The following MYBPHL variants were observed in gnomAD, a reference collection of about 807,000 sequenced individuals.
The protein encoded by MYBPHL is myosin binding protein H like, also known as myosin-binding protein H-like.
Under a neutral mutation model 39.5 loss-of-function variants are expected in MYBPHL, and 32 were observed. The ratio of observed to expected loss-of-function variants is 0.81; its 90% CI spans 0.61 to 1.09. MYBPHL has a LOEUF of 1.09. MYBPHL is among the 50% of genes least tolerant of loss of function. The pLI is 0.00. For missense variants in MYBPHL, 456 were observed against 460.2 expected (o/e 0.99, Z 0.08); for synonymous variants, 196 against 183.7 (o/e 1.07, Z -0.54).
Position 109,297,052 on chromosome 1 carries a change from C to G in MYBPHL, c.568G>C (p.Gly190Arg), listed in dbSNP as rs372747640. ...YTVQKADTKS[G>R]LWFTVLEHYH... ...CCTTCCTTCCCAGCTGGCCTCACCC[C>G]GGATTTTGTGTCAGCCTTCTGCACC... Residue 190 changes from glycine to arginine, a missense_variant and splice_region_variant, in exon 4 of 9, where the codon GGG becomes CGG. Coordinates refer to ENST00000357155, the MANE Select transcript of MYBPHL (RefSeq NM_001010985.3). The G allele has an allele frequency of 7.4e-6, 12 of 1,614,028 alleles. No homozygotes were observed. In the Middle Eastern group the frequency reaches 6.6e-4, roughly 88 times the overall value.
intron 2 of MYBPHL, 91 bp from the exon 3 acceptor site, chr1:109,297,708 G>A (rs749573868): frequency 6.6e-6 from 8 of 1,216,516 alleles, no homozygotes; most frequent in Non-Finnish European, 9.1e-6. Flanking sequence ...CAGGTCCACA[G>A]GGAGGCTTGA....
At chr1:109,299,027 G>T (rs1570852413) in intron 1 of MYBPHL, among the ~76,000 whole-genome samples, 1 of 152,146 alleles carries the variant, frequency 6.6e-6, no homozygotes, top group East Asian at 1.9e-4. Flanking sequence ...GCTGAGTGTA[G>T]GTTTGGAGAT....
At chr1:109,299,945 G>T (rs1658225076) in intron 1 of MYBPHL, among the ~76,000 whole-genome samples, 1 of 152,248 alleles carries the variant, frequency 6.6e-6, no homozygotes, top group Admixed American at 6.5e-5. Flanking sequence ...TTGAAGACGG[G>T]CGGATATGAC....
chr1:109,295,365 C>A, intron 6 of MYBPHL, 68 bp from the exon 7 acceptor site: 1 of 1,432,616 alleles, frequency 7.0e-7, no homozygotes, highest in Non-Finnish European at 9.5e-7. Flanking sequence ...TTTCTGTGCT[C>A]AGTTTCTGGG....
At chr1:109,299,036 A>G (rs185202610) in intron 1 of MYBPHL, among the ~76,000 whole-genome samples, 95 of 152,148 alleles carry the variant, frequency 6.2e-4, no homozygotes, top group Non-Finnish European at 4.1e-4. Context: ...AGGTTTGGAG[A>G]TTGACCAGGT....
chr1:109,303,566 C>T (rs893629301), intron 1 of MYBPHL, among the ~76,000 whole-genome samples: 1 of 152,208 alleles, frequency 6.6e-6, no homozygotes, highest in African/African-American at 2.4e-5. Context: ...TTCCCAAGTT[C>T]ACTCGGTCTC....
At chr1:109,302,105 G>C (rs1010475953) in intron 1 of MYBPHL, among the ~76,000 whole-genome samples, 1 of 151,874 alleles carries the variant, frequency 6.6e-6, no homozygotes, top group Non-Finnish European at 1.5e-5. Flanking sequence ...ATGAATGTGT[G>C]TATGGGTGTG....
intron 1 of MYBPHL, among the ~76,000 whole-genome samples, chr1:109,299,040 A>T (rs585545): frequency 0.66 from 100,282 of 151,458 alleles, 34,933 homozygotes; most frequent in East Asian, 0.96. Context: ...TTGGAGATTG[A>T]CCAGGTATCA....
chr1:109,303,929 G>A (rs1054405860), intron 1 of MYBPHL, among the ~76,000 whole-genome samples: 3 of 151,548 alleles, frequency 2.0e-5, no homozygotes, highest in African/African-American at 7.3e-5. Context: ...TGTTCTCTCT[G>A]TGTGGAAAAT....
At chr1:109,295,319 G>A in intron 6 of MYBPHL, 22 bp from the exon 7 acceptor site, 1 of 1,609,918 alleles carries the variant, frequency 6.2e-7, no homozygotes, top group Non-Finnish European at 8.5e-7. Flanking sequence ...AGATGAGGGA[G>A]GCAGCAAGGA....
At chr1:109,297,839 A>C (rs867244225) in intron 2 of MYBPHL, among the ~76,000 whole-genome samples, 1 of 152,112 alleles carries the variant, frequency 6.6e-6, no homozygotes, top group East Asian at 1.9e-4. Flanking sequence ...AATCTCTGAG[A>C]GCTTAGGTCA....
chr1:109,296,361 T>C lies in MYBPHL; in HGVS notation c.740A>G (p.Tyr247Cys). 6.2e-7 allele frequency: 1 copy of C among 1,613,916 alleles called. No homozygotes were observed. Among genetic ancestry groups the C allele is most frequent in the Non-Finnish European group, 8.5e-7 (1 of 1,180,008 alleles). The part of the protein sequence containing the change: ...LAHIQKAATV[Y>C]KTKGFAQRDF... ...TCGTTGGGCAAACCCCTTGGTCTTG[T>C]AAACAGTAGCTGAGGGCACCAAGAG... Residue 247 changes from tyrosine (Y) to cysteine (C), a missense_variant, in exon 6 of 9, where the codon TAC (tyrosine) becomes TGC (cysteine). Coordinates refer to ENST00000357155, the MANE Select transcript of MYBPHL (RefSeq NM_001010985.3).
chr1:109,305,452 GC>G (rs371402659), intron 1 of MYBPHL, among the ~76,000 whole-genome samples: 3 of 152,196 alleles, frequency 2.0e-5, no homozygotes, highest in African/African-American at 4.8e-5. Flanking sequence ...GCATTTGCGG[GC>G]CCGTGACTGG....
chr1:109,301,505 C>T (rs1658277395), intron 1 of MYBPHL, among the ~76,000 whole-genome samples: 1 of 152,132 alleles, frequency 6.6e-6, no homozygotes, highest in Non-Finnish European at 1.5e-5. Flanking sequence ...CTTTGGGAGG[C>T]TAAGGAGGGT....
At position 109,295,360 on chromosome 1, in the gene MYBPHL, G is replaced by C. The variant is rs1658025227; in HGVS notation, c.868-63C>G. 3.4e-6 allele frequency: 5 copies of C among 1,472,516 alleles called. No homozygotes were observed. The Admixed American group carries it at 9.7e-5, about 29-fold the overall frequency. The allele number at this position is 1,472,516 out of a possible 1,614,324, so 91.2% of individuals were successfully genotyped here. A position where few individuals can be genotyped will look rare whatever the true frequency, so the allele number is the denominator to read the frequency against. On this transcript the variant is annotated intron_variant, in intron 6 of 8. Coordinates refer to ENST00000357155, the MANE Select transcript of MYBPHL (RefSeq NM_001010985.3). ...GAGGGTAAGAACCAATAGTCTTTCT[G>C]TGCTCAGTTTCTGGGACTCTGTCTA...
intron 6 of MYBPHL, among the ~76,000 whole-genome samples, 154 bp downstream of exon 6, chr1:109,296,080 C>G (rs557302894): frequency 1.3e-5 from 2 of 152,110 alleles, no homozygotes; most frequent in Non-Finnish European, 2.9e-5. Flanking sequence ...CTCCAAGCAC[C>G]CCCCCGACTG....
intron 2 of MYBPHL, 80 bp from the exon 3 acceptor site, chr1:109,297,697 C>T: frequency 7.6e-7 from 1 of 1,321,410 alleles, no homozygotes; most frequent in Non-Finnish European, 1.0e-6. Context: ...CCTGTCCACC[C>T]CAGGTCCACA....
At chr1:109,297,029 T>C in intron 4 of MYBPHL, 21 bp downstream of exon 4, 2 of 1,614,088 alleles carry the variant, frequency 1.2e-6, no homozygotes, top group Non-Finnish European at 1.7e-6. Context: ...TCCACCCTCC[T>C]TCCTTCCCAG....
chr1:109,302,798 C>T (rs1474025523), intron 1 of MYBPHL, among the ~76,000 whole-genome samples: 2 of 152,166 alleles, frequency 1.3e-5, no homozygotes, highest in Non-Finnish European at 2.9e-5. Flanking sequence ...AGATGGCTAA[C>T]TGGCCAAAAA....
Sources: gnomAD v4.1 joint callset for allele counts (sites outside exome capture counted in the v4.1 genomes callset) on GRCh38, gnomAD v4.1.1 for gene constraint, MANE v1.5 for transcripts, NCBI Gene and HGNC (gene_info 2026-07-23, HGNC 2026-07-21) for gene names.